Variants in CNTN5 observed in about 807,000 individuals in gnomAD.
The protein encoded by CNTN5 is contactin 5.
CNTN5 carries 77 observed loss-of-function variants against 129.1 expected under a neutral mutation model. The observed-to-expected ratio is 0.60, with a 90% confidence interval of 0.50 to 0.72. The LOEUF is 0.72. Ranked by LOEUF, CNTN5 falls within the 30% of genes least tolerant of loss-of-function variation. CNTN5 has a pLI of 0.00. For missense variants in CNTN5, 1,478 were observed against 1,328.8 expected (o/e 1.11, Z -1.75); for synonymous variants, 509 against 465.6 (o/e 1.09, Z -1.20).
At chr11:99,250,676 AG>A (rs1404356033) in intron 1 of CNTN5, among the ~76,000 whole-genome samples, 1 of 151,926 alleles carries the variant, frequency 6.6e-6, no homozygotes, top group African/African-American at 2.4e-5. Flanking sequence ...CATCTATGGA[AG>A]GCGATGTTTC....
chr11:100,221,383 C>G (rs1467574058), intron 15 of CNTN5, among the ~76,000 whole-genome samples: 1 of 152,176 alleles, frequency 6.6e-6, no homozygotes, highest in Non-Finnish European at 1.5e-5. Flanking sequence ...ACACTTTGAA[C>G]AGCAATGCTA....
intron 2 of CNTN5, among the ~76,000 whole-genome samples, chr11:99,339,568 A>G (rs1352798716): frequency 6.6e-6 from 1 of 152,104 alleles, no homozygotes; most frequent in Non-Finnish European, 1.5e-5. Context: ...TCACGAAGTC[A>G]GGAGATCGAG....
chr11:100,301,710 T>C (rs1049032180), intron 20 of CNTN5, among the ~76,000 whole-genome samples: 3 of 151,594 alleles, frequency 2.0e-5, no homozygotes, highest in African/African-American at 7.3e-5. Flanking sequence ...AAGAAAAGCA[T>C]TAACCTGAGC....
At chr11:100,343,996 T>G (rs1247547098) in intron 23 of CNTN5, among the ~76,000 whole-genome samples, 2 of 152,058 alleles carry the variant, frequency 1.3e-5, no homozygotes, top group Admixed American at 6.6e-5. Flanking sequence ...GCCCCTAGGA[T>G]TCTTGGAACA....
chr11:99,161,493 G>A (rs756870178), intron 1 of CNTN5, among the ~76,000 whole-genome samples: 3 of 151,898 alleles, frequency 2.0e-5, no homozygotes, highest in East Asian at 1.9e-4. Flanking sequence ...TAAAAGTCTC[G>A]GATGGGGATG....
chr11:100,224,933 T>C (rs528772410), intron 16 of CNTN5, 121 bp downstream of exon 16: 1 of 985,556 alleles, frequency 1.0e-6, no homozygotes, highest in Non-Finnish European at 1.4e-6. Flanking sequence ...TTTTACAATA[T>C]ATGTTATTTT....
chr11:99,232,582 A>G (rs1028724144), intron 1 of CNTN5, among the ~76,000 whole-genome samples: 1 of 152,170 alleles, frequency 6.6e-6, no homozygotes, highest in Non-Finnish European at 1.5e-5. Context: ...TAGATATTGT[A>G]TCATGTCTTC....
chr11:99,831,614 C>T (rs1947142719), intron 4 of CNTN5, among the ~76,000 whole-genome samples: 1 of 148,768 alleles, frequency 6.7e-6, no homozygotes. Context: ...GTGACCATAA[C>T]TTTTTTTTTT....
chr11:99,427,720 C>A (rs1194247534), intron 2 of CNTN5, among the ~76,000 whole-genome samples: 4 of 139,450 alleles, frequency 2.9e-5, no homozygotes, highest in Non-Finnish European at 6.0e-5. Context: ...GAGATGAGAT[C>A]CTGTCACTGC....
intron 2 of CNTN5, among the ~76,000 whole-genome samples, chr11:99,382,844 A>AATTTTTTTT (rs774797660): frequency 1.4e-5 from 1 of 69,402 alleles, no homozygotes; most frequent in Non-Finnish European, 2.4e-5. Flanking sequence ...TCTCTAAATA[A>AATTTTTTTT]CTTTTTTTTT....
intron 3 of CNTN5, among the ~76,000 whole-genome samples, chr11:99,691,805 A>C (rs1016165942): frequency 2.0e-5 from 3 of 151,782 alleles, no homozygotes; most frequent in African/African-American, 4.8e-5. Flanking sequence ...TAGTTTTGTA[A>C]ATTTTCTGTC....
intron 3 of CNTN5, among the ~76,000 whole-genome samples, chr11:99,692,754 A>C (rs1591487962): frequency 6.6e-6 from 1 of 152,226 alleles, no homozygotes; most frequent in East Asian, 1.9e-4. Context: ...ACAAATGCGT[A>C]TTTTAAGTGT....
chr11:99,284,857 A>G (rs116750398), intron 1 of CNTN5, among the ~76,000 whole-genome samples: 2,059 of 152,218 alleles, frequency 0.014, 46 homozygotes, highest in African/African-American at 0.047. Context: ...ATAAAGATAT[A>G]GATATCATAT....
intron 6 of CNTN5, among the ~76,000 whole-genome samples, chr11:99,879,470 C>G (rs1216710766): frequency 6.6e-6 from 1 of 152,142 alleles, no homozygotes; most frequent in Non-Finnish European, 1.5e-5. Flanking sequence ...TGAAATTGGA[C>G]AGAACAGGTA....
intron 2 of CNTN5, among the ~76,000 whole-genome samples, chr11:99,516,617 C>A (rs550453453): frequency 6.6e-6 from 1 of 152,036 alleles, no homozygotes; most frequent in African/African-American, 2.4e-5. Flanking sequence ...CAGTGACTGG[C>A]AAATGTGAAT....
intron 2 of CNTN5, among the ~76,000 whole-genome samples, chr11:99,384,598 G>A (rs994990984): frequency 3.9e-5 from 6 of 152,170 alleles, no homozygotes; most frequent in African/African-American, 1.4e-4. Context: ...TCTATAAACT[G>A]AAAGTGTCAC....
Position 99,681,171 on chromosome 11 carries a change from G to T in CNTN5, c.55+124902G>T, listed in dbSNP as rs75065187. ...TTCCTTGAAATGGAATCTACTCCTGGTGAAGATGCTGTGAACATGGATGAA... is the reference window on the plus strand; with the variant it reads ...TTCCTTGAAATGGAATCTACTCCTGTTGAAGATGCTGTGAACATGGATGAA... On this transcript the variant is annotated intron_variant, in intron 3 of 24. Coordinates refer to ENST00000524871, the MANE Select transcript of CNTN5 (RefSeq NM_014361.4). Among the ~76,000 whole-genome samples the T allele has an allele frequency of 0.018, 2,768 of 152,144 alleles. 115 individuals are homozygous for T. The East Asian group carries it at 0.18, about 10-fold the overall frequency.
At chr11:99,757,608 C>A (rs544247790) in intron 3 of CNTN5, among the ~76,000 whole-genome samples, 2 of 152,112 alleles carry the variant, frequency 1.3e-5, no homozygotes, top group African/African-American at 2.4e-5. Context: ...TTGATTATAT[C>A]TACAGAGACC....
intron 21 of CNTN5, among the ~76,000 whole-genome samples, chr11:100,314,832 C>T (rs1282781055): frequency 3.3e-5 from 5 of 152,136 alleles, no homozygotes; most frequent in Non-Finnish European, 7.4e-5. Flanking sequence ...GACTCTGATT[C>T]TGACCCTAAG....
Sources: gnomAD v4.1 joint callset for allele counts (sites outside exome capture counted in the v4.1 genomes callset) on GRCh38, gnomAD v4.1.1 for gene constraint, MANE v1.5 for transcripts, NCBI Gene and HGNC (gene_info 2026-07-23, HGNC 2026-07-21) for gene names.